PRPF39: variants seen among roughly 807,000 people sequenced by gnomAD.
PRPF39 encodes pre-mRNA processing factor 39, also known as pre-mRNA-processing factor 39.
A neutral mutation model predicts 82.1 loss-of-function variants in PRPF39; 27 were observed. The observed-to-expected ratio is 0.33, with a 90% CI of 0.24 to 0.45. The LOEUF (loss-of-function observed/expected upper bound fraction) is 0.45. Among genes scored for constraint, PRPF39 ranks in the 20% least tolerant of loss-of-function variants. The pLI is 1.00. For synonymous variants in PRPF39, 261 were observed against 256.4 expected (o/e 1.02, Z -0.17); for missense variants, 581 against 796.9 (o/e 0.73, Z 3.26).
At chr14:45,113,264 A>C (rs921729506) in intron 11 of PRPF39, among the ~76,000 whole-genome samples, 16 of 152,314 alleles carry the variant, frequency 1.1e-4, no homozygotes, top group African/African-American at 3.9e-4. Flanking sequence ...TATAACAGCT[A>C]ATGTTTATAT....
chr14:45,091,348 C>G (rs936003702), intron 1 of PRPF39, among the ~76,000 whole-genome samples: 1 of 152,108 alleles, frequency 6.6e-6, no homozygotes. Flanking sequence ...CACTTTGTTC[C>G]CCAGGCTGGT....
chr14:45,088,812 A>ACT (rs1883925730), intron 1 of PRPF39, among the ~76,000 whole-genome samples: 1 of 152,212 alleles, frequency 6.6e-6, no homozygotes, highest in South Asian at 2.1e-4. Flanking sequence ...GATACACAGT[A>ACT]GTTGAATTAC....
At position 45,114,135 on chromosome 14, in the gene PRPF39, A is replaced by C. The variant is rs200509042; in HGVS notation, c.1758-48A>C. On this transcript the variant is annotated intron_variant, in intron 11 of 13. Transcript: ENST00000355765. ...AAAAACAACTTTAAATATTTAATAA[A>C]GTTTGTTTTTTGTATATTCCAGAGG... The C allele has an allele frequency of 5.9e-6, 8 of 1,348,816 alleles. No homozygotes were observed. In the African/African-American group the frequency reaches 1.0e-4, roughly 18 times the overall value. 83.6% of individuals were successfully genotyped at this position (1,348,816 alleles called of 1,614,324 possible). A position where few individuals can be genotyped will look rare whatever the true frequency, so the allele number is the denominator to read the frequency against.
chr14:45,088,768 G>T (rs61598134), intron 1 of PRPF39, among the ~76,000 whole-genome samples: 1 of 152,130 alleles, frequency 6.6e-6, no homozygotes, highest in South Asian at 2.1e-4. Flanking sequence ...TCATTCTTCA[G>T]AAATAATGAG....
chr14:45,109,082 C>T (rs964441297), intron 7 of PRPF39, among the ~76,000 whole-genome samples: 1 of 152,142 alleles, frequency 6.6e-6, no homozygotes, highest in African/African-American at 2.4e-5. Context: ...CAGCTGCGAC[C>T]CTCTACCCCC....
intron 4 of PRPF39, among the ~76,000 whole-genome samples, chr14:45,100,405 G>A (rs1884337787): frequency 6.6e-6 from 1 of 152,152 alleles, no homozygotes; most frequent in Non-Finnish European, 1.5e-5. Flanking sequence ...TCTTATTCCT[G>A]AGCCAAGCAG....
chr14:45,104,053 A>G (rs1341778845), intron 5 of PRPF39, among the ~76,000 whole-genome samples: 6 of 152,172 alleles, frequency 3.9e-5, no homozygotes, highest in Admixed American at 6.5e-5. Context: ...GGAGATTAGC[A>G]TATTTATCTA....
chr14:45,104,182 TTTTA>T (rs1251481575), intron 5 of PRPF39, among the ~76,000 whole-genome samples: 3 of 152,150 alleles, frequency 2.0e-5, no homozygotes, highest in East Asian at 3.8e-4. Context: ...CCCACTAGGC[TTTTA>T]TTTATTTATT....
chr14:45,088,200 G>A (rs1196008804), intron 1 of PRPF39: 1 of 155,100 alleles, frequency 6.4e-6, no homozygotes, highest in Non-Finnish European at 1.4e-5. Context: ...TTATTTGGGG[G>A]GTATGATAAC....
chr14:45,114,479 T>C lies in PRPF39; in HGVS notation c.1833-15T>C. ...GTGGGAGTTTTGAAAGTTTCCATTCTGACGTTTTATATAGATCAGAAGAAC... is the reference window on the plus strand; with the variant it reads ...GTGGGAGTTTTGAAAGTTTCCATTCCGACGTTTTATATAGATCAGAAGAAC... On this transcript the variant is annotated splice_polypyrimidine_tract_variant and intron_variant, in intron 12 of 13. Coordinates refer to ENST00000355765, the MANE Select transcript of PRPF39 (RefSeq NM_017922.4). 6.5e-7 allele frequency: 1 copy of C among 1,549,940 alleles called. No individual in the cohort carries two copies.
At chr14:45,093,336 C>T (rs908266631) in intron 1 of PRPF39, among the ~76,000 whole-genome samples, 4 of 151,236 alleles carry the variant, frequency 2.6e-5, no homozygotes, top group African/African-American at 9.7e-5. Context: ...GATACTCCTG[C>T]CTCAGCCTCC....
chr14:45,107,974 T>A, intron 6 of PRPF39, among the ~76,000 whole-genome samples: 1 of 152,020 alleles, frequency 6.6e-6, no homozygotes, highest in Admixed American at 6.6e-5. Context: ...GGACCTGTTA[T>A]CCCTTGACTC....
intron 4 of PRPF39, among the ~76,000 whole-genome samples, chr14:45,100,559 C>T (rs1166875614): frequency 6.6e-6 from 1 of 152,140 alleles, no homozygotes; most frequent in East Asian, 1.9e-4. Flanking sequence ...ATTTCATTAC[C>T]TTCTTGTCTT....
chr14:45,107,375 T>A, intron 5 of PRPF39, 76 bp from the exon 6 acceptor site: 1 of 1,081,212 alleles, frequency 9.2e-7, no homozygotes, highest in Non-Finnish European at 1.3e-6. Flanking sequence ...TTTGAAAGAG[T>A]AGTATATAGT....
At chr14:45,090,228 T>G (rs2139036560) in intron 1 of PRPF39, among the ~76,000 whole-genome samples, 1 of 152,306 alleles carries the variant, frequency 6.6e-6, no homozygotes, top group South Asian at 2.1e-4. Context: ...CAAAATAAAT[T>G]TACAAGTTAC....
At position 45,110,054 on chromosome 14, in the gene PRPF39, A is replaced by G. The variant is rs780956930; in HGVS notation, c.1177-40A>G. On this transcript the variant is annotated intron_variant, in intron 8 of 13. Transcript: ENST00000355765. The surrounding 1 kb of genome is among the most constrained non-coding windows in gnomAD (Gnocchi z 4.0). Reference sequence around the variant, plus strand: ...CTGTCACAAATTTAATGGCTTGTTCAACTGTAAATTATTCAGTATTTCCTC... The same window carrying G: ...CTGTCACAAATTTAATGGCTTGTTCGACTGTAAATTATTCAGTATTTCCTC... 6.3e-7 allele frequency: 1 copy of G among 1,598,330 alleles called. No individual in the cohort carries two copies. Among genetic ancestry groups the G allele is most frequent in the Admixed American group, 1.7e-5 (1 of 57,930 alleles).
intron 4 of PRPF39, among the ~76,000 whole-genome samples, chr14:45,098,543 C>G (rs1884273552): frequency 1.3e-5 from 2 of 151,584 alleles, no homozygotes; most frequent in Admixed American, 1.3e-4. Flanking sequence ...TTAATTGCTC[C>G]TCCCCTGCCC....
rs558105397 is a variant in PRPF39, at chr14:45,098,027, A to G, written c.569+1022A>G. ...TTACGGTAAGTGAGAATTTTAACCC[A>G]CTTACACTTTGTTTTCTCATTCCTT... On this transcript the variant is annotated intron_variant, in intron 4 of 13. Coordinates refer to ENST00000355765, the MANE Select transcript of PRPF39 (RefSeq NM_017922.4). 3.9e-5 allele frequency among the ~76,000 whole-genome samples: 6 copies of G among 152,220 alleles called. No individual in the cohort carries two copies. The East Asian group carries it at 5.8e-4, about 15-fold the overall frequency.
rs766277067 is a variant in PRPF39, at chr14:45,112,456, C to A, written c.1711C>A (p.Gln571Lys). 1.0e-5 allele frequency: 16 copies of A among 1,534,452 alleles called. No homozygotes were observed. ...LPIKMRITFSQRKVEFLEDFG... is the reference protein window; with the variant it reads ...LPIKMRITFSKRKVEFLEDFG... ...TATTAAAATGAGAATTACATTTTCTCAGAGAAAAGTGGAATTTCTTGAAGA... is the reference window on the plus strand; with the variant it reads ...TATTAAAATGAGAATTACATTTTCTAAGAGAAAAGTGGAATTTCTTGAAGA... Residue 571 changes from glutamine (Q) to lysine (K), a missense_variant, in exon 11 of 14, where the codon CAG becomes AAG. Transcript: ENST00000355765.
Sources: allele counts gnomAD v4.1 joint callset (sites outside exome capture counted in the v4.1 genomes callset), GRCh38; gene constraint gnomAD v4.1.1; non-coding constraint Gnocchi (gnomAD v3.1); transcripts MANE v1.5; gene names NCBI Gene and HGNC (gene_info 2026-07-23, HGNC 2026-07-21).